The following DHRSX variants were observed in gnomAD, a reference collection of about 807,000 sequenced individuals.
The protein encoded by DHRSX is dehydrogenase/reductase X-linked, also known as polyprenol dehydrogenase.
In DHRSX, 31 loss-of-function variants were observed where a neutral mutation model predicts 34.0. The observed-to-expected ratio is 0.91, with a 90% confidence interval of 0.69 to 1.23. DHRSX has a LOEUF of 1.23. Ranked by LOEUF, DHRSX falls within the 50% of genes most tolerant of loss-of-function variation. The probability of loss-of-function intolerance (pLI) is 0.00; values close to 1 mark genes in which losing one functional copy is unlikely to be tolerated. For missense variants in DHRSX, 414 were observed against 428.1 expected (o/e 0.97, Z 0.29); for synonymous variants, 201 against 183.8 (o/e 1.09, Z -0.76).
chrX:2,489,911 T>C (rs899736068), intron 1 of DHRSX: 5 of 1,613,860 alleles, frequency 3.1e-6, no homozygotes, highest in East Asian at 4.5e-5. Context: ...CTTGCCATAG[T>C]TGGTGGTGGC....
In DHRSX at chrX:2,352,462, C is replaced by T. The variant is rs1030010678; in HGVS notation, c.286+56283G>A. Reference sequence around the variant, plus strand: ...GGTGTGAAAATACCGTCCTACTTGCCGGGCTGAGGGCCTGGGAGCTTACGG... The same window carrying T: ...GGTGTGAAAATACCGTCCTACTTGCTGGGCTGAGGGCCTGGGAGCTTACGG... On this transcript the variant is annotated intron_variant, in intron 3 of 6. Transcript: ENST00000334651. Among the ~76,000 whole-genome samples, 16 of 152,180 alleles carry T rather than the reference C, an allele frequency of 1.1e-4. No homozygotes were observed. The South Asian group carries it at 1.2e-3, about 12-fold the overall frequency.
Position 2,220,778 on chromosome X carries a change from ATTAT to A in DHRSX, c.*259_*262del, listed in dbSNP as rs1381805994. Reference sequence around the variant, plus strand: ...TGGCACATTTATGTTGGAAAATGTAATTATTTATGGCACCTGTGACAACTGGGCA... The same window carrying A: ...TGGCACATTTATGTTGGAAAATGTAATTATGGCACCTGTGACAACTGGGCA... On this transcript the variant is annotated 3_prime_UTR_variant, in exon 7 of 7. Coordinates refer to ENST00000334651, the MANE Select transcript of DHRSX (RefSeq NM_145177.3). The A allele has an allele frequency of 1.5e-5, 7 of 459,568 alleles. No homozygotes were observed. The highest frequency in any genetic ancestry group is 2.3e-5 in the Non-Finnish European group (6 of 260,400). 28.5% of individuals were successfully genotyped at this position (459,568 alleles called of 1,614,324 possible). A position where few individuals can be genotyped will look rare whatever the true frequency, so the allele number is the denominator to read the frequency against.
chrX:2,343,998 T>C (rs983334683), intron 3 of DHRSX, among the ~76,000 whole-genome samples: 47 of 152,094 alleles, frequency 3.1e-4, no homozygotes, highest in African/African-American at 1.1e-3. Flanking sequence ...CTAAGGAGAA[T>C]TGCCTCCTTG....
At chrX:2,473,410 A>C (rs143388066) in intron 1 of DHRSX, among the ~76,000 whole-genome samples, 2 of 151,762 alleles carry the variant, frequency 1.3e-5, no homozygotes, top group South Asian at 2.1e-4. Flanking sequence ...GATCACCTGA[A>C]GTCAGGAGTT....
chrX:2,472,417 C>T (rs2044607371), intron 1 of DHRSX, among the ~76,000 whole-genome samples: 1 of 152,118 alleles, frequency 6.6e-6, no homozygotes, highest in Non-Finnish European at 1.5e-5. Context: ...AATCTGTACA[C>T]TAAACCCCCA....
At chrX:2,484,203 C>T (rs1381287349) in intron 1 of DHRSX, among the ~76,000 whole-genome samples, 1 of 151,996 alleles carries the variant, frequency 6.6e-6, no homozygotes. Context: ...GAACTCCTGA[C>T]CTCAGGCGAT....
chrX:2,258,834 T>A (rs1335357448), intron 5 of DHRSX, among the ~76,000 whole-genome samples: 1 of 152,186 alleles, frequency 6.6e-6, no homozygotes, highest in Non-Finnish European at 1.5e-5. Context: ...TCTCTCATTA[T>A]CCCCTGCAGA....
intron 3 of DHRSX, 166 bp downstream of exon 3, chrX:2,408,579 G>A (rs1366397810): frequency 5.8e-6 from 1 of 173,472 alleles, no homozygotes; most frequent in Middle Eastern, 2.8e-3. Context: ...ACCATCTCCT[G>A]CTCTAGGATG....
intron 2 of DHRSX, among the ~76,000 whole-genome samples, chrX:2,423,416 AAAAC>A (rs1261373723): frequency 2.6e-5 from 4 of 151,934 alleles, no homozygotes; most frequent in African/African-American, 4.8e-5. Flanking sequence ...TGTCTCAAAA[AAAAC>A]AATAATAAAT....
In DHRSX at chrX:2,238,913, T is replaced by C. The variant is rs766177728; in HGVS notation, c.804+4110A>G. Among the ~76,000 whole-genome samples the C allele has an allele frequency of 2.6e-5, 4 of 152,184 alleles. No individual in the cohort carries two copies. The East Asian group carries it at 7.7e-4, about 29-fold the overall frequency. ...CTTCCAAGTCTTAATATACAATGCA[T>C]GCATGCATGCATGCATACACACTAG... is the stretch of plus-strand genomic sequence containing the variant. On this transcript the variant is annotated intron_variant, in intron 6 of 6. Transcript: ENST00000334651.
chrX:2,243,809 T>TTTG (rs754405709), intron 5 of DHRSX, among the ~76,000 whole-genome samples: 44,860 of 104,234 alleles, frequency 0.43, 9,767 homozygotes, highest in Non-Finnish European at 0.54. Flanking sequence ...TTTTTTTTTT[T>TTTG]TTTTTTTTTT....
At chrX:2,243,809 T>TGTTTTG (rs2016211757) in intron 5 of DHRSX, among the ~76,000 whole-genome samples, 1 of 104,468 alleles carries the variant, frequency 9.6e-6, no homozygotes, top group Non-Finnish European at 1.9e-5. Context: ...TTTTTTTTTT[T>TGTTTTG]TTTTTTTTTT....
chrX:2,436,893 G>C (rs1386193169), intron 1 of DHRSX, among the ~76,000 whole-genome samples: 8 of 151,872 alleles, frequency 5.3e-5, no homozygotes, highest in Admixed American at 5.3e-4. Context: ...TTGGCCTCCC[G>C]ACGTGTTGCA....
At chrX:2,272,955 A>G (rs1222917608) in intron 4 of DHRSX, among the ~76,000 whole-genome samples, 2 of 152,238 alleles carry the variant, frequency 1.3e-5, no homozygotes, top group African/African-American at 4.8e-5. Flanking sequence ...ATCTACCCAA[A>G]GGAAAAGAAG....
chrX:2,396,965 G>A (rs2043420183), intron 3 of DHRSX, among the ~76,000 whole-genome samples: 1 of 151,984 alleles, frequency 6.6e-6, no homozygotes, highest in Non-Finnish European at 1.5e-5. Flanking sequence ...AAAGAGAATG[G>A]CTGAAAACAG....
rs142490292 is a variant in DHRSX at position 2,263,962 on chromosome X, C to G, written c.596+2778G>C. Among the ~76,000 whole-genome samples the G allele has an allele frequency of 9.1e-3, 1,393 of 152,332 alleles. 18 individuals are homozygous for G. Among genetic ancestry groups the G allele is most frequent in the African/African-American group, 0.032 (1,323 of 41,572 alleles). ...CATTGCGTGTCGACAGGAGTCCACA[C>G]CAATGCCACCTGCAGATGCAGTGCC... On this transcript the variant is annotated intron_variant, in intron 5 of 6. Coordinates refer to ENST00000334651, the MANE Select transcript of DHRSX (RefSeq NM_145177.3).
chrX:2,288,454 C>T (rs2041830507), intron 4 of DHRSX, among the ~76,000 whole-genome samples: 2 of 152,174 alleles, frequency 1.3e-5, no homozygotes, highest in African/African-American at 2.4e-5. Context: ...ACGTTGGTCT[C>T]GAACTCCTGA....
chrX:2,447,586 G>A (rs1400844986), intron 1 of DHRSX, among the ~76,000 whole-genome samples: 1 of 152,020 alleles, frequency 6.6e-6, no homozygotes, highest in Non-Finnish European at 1.5e-5. Context: ...TGCACCCCCT[G>A]TGCACTGCAG....
intron 5 of DHRSX, among the ~76,000 whole-genome samples, chrX:2,257,546 A>G (rs765721853): frequency 6.6e-6 from 1 of 152,288 alleles, no homozygotes; most frequent in East Asian, 1.9e-4. Flanking sequence ...CATGGACTGA[A>G]TTACGTCTCC....
Sources: gnomAD v4.1 joint callset for allele counts (sites outside exome capture counted in the v4.1 genomes callset) on GRCh38, gnomAD v4.1.1 for gene constraint, MANE v1.5 for transcripts, NCBI Gene and HGNC (gene_info 2026-07-23, HGNC 2026-07-21) for gene names.